The following ZFAND6 variants were observed in gnomAD, a reference collection of about 807,000 sequenced individuals.
The protein encoded by ZFAND6 is AN1-type zinc finger protein 6.
In ZFAND6, 12 loss-of-function variants were observed where a neutral mutation model predicts 24.5. The observed-to-expected ratio is 0.49, with a 90% CI of 0.31 to 0.79. ZFAND6 has a LOEUF of 0.79. ZFAND6 is among the 30% of genes least tolerant of loss of function. ZFAND6 has a pLI of 0.04. For missense variants in ZFAND6, 207 were observed against 245.9 expected (o/e 0.84, Z 1.06); for synonymous variants, 92 against 81.5 (o/e 1.13, Z -0.69).
intron 2 of ZFAND6, among the ~76,000 whole-genome samples, chr15:80,100,398 A>G (rs1198751712): frequency 6.6e-6 from 1 of 152,204 alleles, no homozygotes; most frequent in Non-Finnish European, 1.5e-5. Flanking sequence ...AGAACACACA[A>G]TAGGGAAGAG....
At chr15:80,111,047 A>G (rs1334630083) in intron 2 of ZFAND6, among the ~76,000 whole-genome samples, 2 of 152,248 alleles carry the variant, frequency 1.3e-5, no homozygotes, top group Non-Finnish European at 2.9e-5. Context: ...TGAAGCTGTC[A>G]GCTTCAGTAA....
intron 5 of ZFAND6, among the ~76,000 whole-genome samples, chr15:80,123,220 C>T (rs563267896): frequency 6.6e-6 from 1 of 152,178 alleles, no homozygotes; most frequent in East Asian, 1.9e-4. Context: ...CTCCTTTTTT[C>T]TTCCCCATGT....
intron 1 of ZFAND6, among the ~76,000 whole-genome samples, chr15:80,075,595 C>G (rs758887436): frequency 6.6e-6 from 1 of 152,016 alleles, no homozygotes; most frequent in South Asian, 2.1e-4. Flanking sequence ...TATTCAAAGT[C>G]TCTGTTGTTA....
chr15:80,122,380 C>G (rs984711353), intron 4 of ZFAND6, among the ~76,000 whole-genome samples: 7 of 151,984 alleles, frequency 4.6e-5, no homozygotes, highest in Non-Finnish European at 7.4e-5. Flanking sequence ...TTTGCTATGC[C>G]AGAATATCAT....
rs1277285621 is a variant in ZFAND6, at chr15:80,084,280, A to T, written c.-180-14136A>T. 2.0e-5 allele frequency among the ~76,000 whole-genome samples: 3 copies of T among 152,326 alleles called. No individual in the cohort carries two copies. The East Asian group carries it at 5.8e-4, about 29-fold the overall frequency. ...AAATTTGAAATACTCCAAGATTGGA[A>T]ATTTTCTGAGTGCAGACACGATGCT... On this transcript the variant is annotated intron_variant, in intron 1 of 6. Coordinates refer to ENST00000261749, the MANE Select transcript of ZFAND6 (RefSeq NM_019006.4).
At chr15:80,124,302 G>A (rs749708250) in intron 5 of ZFAND6, among the ~76,000 whole-genome samples, 12 of 152,060 alleles carry the variant, frequency 7.9e-5, no homozygotes, top group East Asian at 3.9e-4. Context: ...GCGTGGTGGC[G>A]GGCATCTGTA....
chr15:80,073,929 A>G (rs2037121634), intron 1 of ZFAND6, among the ~76,000 whole-genome samples: 2 of 151,590 alleles, frequency 1.3e-5, no homozygotes, highest in Admixed American at 6.6e-5. Flanking sequence ...TGTAGCTGTA[A>G]AATATTTTCC....
chr15:80,065,009 T>TG, intron 1 of ZFAND6, among the ~76,000 whole-genome samples: 1 of 151,536 alleles, frequency 6.6e-6, no homozygotes, highest in East Asian at 1.9e-4. Context: ...CCCCTTTTTT[T>TG]TTTTTTTTTT....
chr15:80,110,355 G>T (rs984166981), intron 2 of ZFAND6, among the ~76,000 whole-genome samples: 1 of 151,844 alleles, frequency 6.6e-6, no homozygotes, highest in African/African-American at 2.4e-5. Flanking sequence ...AAATACCTAG[G>T]AATATCCAAA....
intron 1 of ZFAND6, among the ~76,000 whole-genome samples, 180 bp from the exon 2 acceptor site, chr15:80,098,236 A>G (rs2038845363): frequency 6.6e-6 from 1 of 152,232 alleles, no homozygotes. Flanking sequence ...TGGATTAGTT[A>G]TATGCATATT....
At chr15:80,089,798 C>G (rs554991131) in intron 1 of ZFAND6, among the ~76,000 whole-genome samples, 2 of 152,168 alleles carry the variant, frequency 1.3e-5, no homozygotes, top group East Asian at 1.9e-4. Context: ...CTATGTTTTC[C>G]TTTTTATTTT....
chr15:80,124,901 T>C (rs574254710), intron 5 of ZFAND6, among the ~76,000 whole-genome samples: 1 of 152,206 alleles, frequency 6.6e-6, no homozygotes. Context: ...AAAAAAAATT[T>C]AACATATTAT....
chr15:80,120,244 C>G (rs1444261037), intron 2 of ZFAND6, 84 bp from the exon 3 acceptor site: 2 of 1,183,326 alleles, frequency 1.7e-6, no homozygotes, highest in East Asian at 2.7e-5. Context: ...GGGCTTTTTT[C>G]TTTATCATAT....
intron 1 of ZFAND6, among the ~76,000 whole-genome samples, chr15:80,094,761 T>C (rs763169033): frequency 2.6e-5 from 4 of 152,066 alleles, no homozygotes; most frequent in Non-Finnish European, 5.9e-5. Flanking sequence ...CACATTCACA[T>C]TTTACTAGTT....
intron 1 of ZFAND6, chr15:80,073,439 C>G (rs757218427): frequency 1.6e-5 from 3 of 191,404 alleles, no homozygotes; most frequent in Non-Finnish European, 3.4e-5. Flanking sequence ...AGACTGTTTT[C>G]TTTATATTGT....
At chr15:80,066,422 C>T (rs1028924923) in intron 1 of ZFAND6, among the ~76,000 whole-genome samples, 5 of 151,958 alleles carry the variant, frequency 3.3e-5, no homozygotes, top group Admixed American at 3.3e-4. Flanking sequence ...AAGCAATTCT[C>T]CTGCCTCAGC....
chr15:80,112,923 C>T, intron 2 of ZFAND6: 1 of 452,832 alleles, frequency 2.2e-6, no homozygotes, highest in East Asian at 7.0e-5. Context: ...TTGCACTCTT[C>T]TGGGATCCAT....
At position 80,121,816 on chromosome 15, in the gene ZFAND6, C is replaced by G. The variant is rs2142017324; in HGVS notation, c.259C>G (p.Pro87Ala). Reference protein sequence around the residue: ...ALDSTSSSMQPSPVSNQSLLS... With the variant: ...ALDSTSSSMQASPVSNQSLLS... ...AGACTCTACATCTTCATCTATGCAG[C>G]CCAGGTAAGATGTACTCTCTGAATT... Residue 87 changes from proline (P) to alanine (A), a missense_variant, in exon 4 of 7, where the codon CCC becomes GCC. Physicochemically the swap from Pro to Ala is conservative, Grantham distance 27. Transcript: ENST00000261749. 1 of 1,611,214 alleles carries G rather than the reference C, an allele frequency of 6.2e-7. No homozygotes were observed. The highest frequency in any genetic ancestry group is 2.2e-5 in the East Asian group (1 of 44,826).
At chr15:80,077,861 G>A (rs145606666) in intron 1 of ZFAND6, among the ~76,000 whole-genome samples, 351 of 151,670 alleles carry the variant, frequency 2.3e-3, no homozygotes, top group African/African-American at 8.0e-3. Flanking sequence ...CACCACGCCC[G>A]GCTAATTTTT....
Sources: allele counts gnomAD v4.1 joint callset (sites outside exome capture counted in the v4.1 genomes callset), GRCh38; gene constraint gnomAD v4.1.1; transcripts MANE v1.5; gene names NCBI Gene and HGNC (gene_info 2026-07-23, HGNC 2026-07-21).